The following AP1S3 variants were observed in gnomAD, a reference collection of about 807,000 sequenced individuals.
The protein encoded by AP1S3 is AP-1 complex subunit sigma-3.
AP1S3 carries 10 observed loss-of-function variants against 20.9 expected under a neutral mutation model. The observed-to-expected ratio is 0.48, with a 90% CI of 0.29 to 0.81. The LOEUF (loss-of-function observed/expected upper bound fraction) is 0.81, where lower values mean the gene tolerates loss of function less well. Ranked by LOEUF, AP1S3 falls within the 30% of genes least tolerant of loss-of-function variation. The probability of loss-of-function intolerance (pLI) is 0.08; values close to 1 mark genes in which losing one functional copy is unlikely to be tolerated. For synonymous variants in AP1S3, 41 were observed against 61.5 expected, an observed-to-expected ratio of 0.67 and a Z score of 1.56; for missense variants, 154 against 183.8, an observed-to-expected ratio of 0.84 and a Z score of 0.94.
chr2:223,816,076 C>A (rs1415193314), intron 1 of AP1S3, among the ~76,000 whole-genome samples: 2 of 152,198 alleles, frequency 1.3e-5, no homozygotes, highest in East Asian at 3.9e-4. Context: ...TGCCACTGCG[C>A]TCCAGCCTGG....
rs192428685 is a variant in AP1S3 at position 223,757,396 on chromosome 2, C to T, written c.*1319G>A. Reference sequence around the variant, plus strand: ...CTTGATCTCTTGACCTTGTGATCCGCCCACCTCTGCCTCCCAAAGTGCTGG... The same window carrying T: ...CTTGATCTCTTGACCTTGTGATCCGTCCACCTCTGCCTCCCAAAGTGCTGG... On this transcript the variant is annotated 3_prime_UTR_variant, in exon 5 of 5. Transcript: ENST00000396654. 2 of 167,596 alleles carry T rather than the reference C, an allele frequency of 1.2e-5. No individual in the cohort carries two copies. Among genetic ancestry groups the T allele is most frequent in the Admixed American group, 6.5e-5 (1 of 15,284 alleles). 10.4% of individuals were successfully genotyped at this position (167,596 alleles called of 1,614,324 possible). A position where few individuals can be genotyped will look rare whatever the true frequency, so the allele number is the denominator to read the frequency against.
intron 1 of AP1S3, among the ~76,000 whole-genome samples, chr2:223,780,779 T>C (rs897127265): frequency 6.6e-6 from 1 of 151,916 alleles, no homozygotes; most frequent in Admixed American, 6.6e-5. Flanking sequence ...AACTACAAAT[T>C]ACTTTTTTCA....
chr2:223,809,761 C>T (rs1235545603), intron 1 of AP1S3, among the ~76,000 whole-genome samples: 1 of 149,578 alleles, frequency 6.7e-6, no homozygotes, highest in Admixed American at 6.7e-5. Flanking sequence ...TAGAGTCTTG[C>T]TCTGTCGCCC....
chr2:223,781,599 A>C, intron 1 of AP1S3, among the ~76,000 whole-genome samples: 1 of 152,184 alleles, frequency 6.6e-6, no homozygotes, highest in East Asian at 1.9e-4. Flanking sequence ...TAATAATAAT[A>C]ATAATCAAAT....
intron 1 of AP1S3, among the ~76,000 whole-genome samples, chr2:223,804,542 A>AG: frequency 6.6e-6 from 1 of 152,094 alleles, no homozygotes; most frequent in East Asian, 1.9e-4. Context: ...CTACAAAAAA[A>AG]CTTTTTTAAA....
intron 1 of AP1S3, among the ~76,000 whole-genome samples, chr2:223,824,845 G>A (rs1199782974): frequency 2.0e-5 from 3 of 152,144 alleles, no homozygotes; most frequent in African/African-American, 7.2e-5. Flanking sequence ...TAAAAGGAAG[G>A]TATTACTATT....
intron 1 of AP1S3, among the ~76,000 whole-genome samples, chr2:223,797,548 G>T (rs1198199901): frequency 2.0e-5 from 3 of 152,094 alleles, no homozygotes; most frequent in African/African-American, 7.2e-5. Context: ...GGTCACCTGA[G>T]ATCAGGAGTT....
chr2:223,808,718 A>G (rs571288140), intron 1 of AP1S3, among the ~76,000 whole-genome samples: 5 of 152,334 alleles, frequency 3.3e-5, no homozygotes, highest in African/African-American at 1.2e-4. Context: ...AAAATTTAAT[A>G]GGCTTGGCTG....
chr2:223,760,826 A>C (rs1266163267), intron 4 of AP1S3, among the ~76,000 whole-genome samples: 1 of 152,202 alleles, frequency 6.6e-6, no homozygotes, highest in Non-Finnish European at 1.5e-5. Context: ...CTCCTCTATC[A>C]TATATTATAT....
intron 1 of AP1S3, among the ~76,000 whole-genome samples, chr2:223,830,513 A>G (rs1692234231): frequency 6.6e-6 from 1 of 151,716 alleles, no homozygotes; most frequent in African/African-American, 2.4e-5. Context: ...ATTCTGAACA[A>G]TACTCCAGGG....
intron 3 of AP1S3, among the ~76,000 whole-genome samples, chr2:223,771,283 G>T (rs566632020): frequency 1.3e-5 from 2 of 152,170 alleles, no homozygotes; most frequent in Non-Finnish European, 2.9e-5. Context: ...GTTGCAGTGA[G>T]CCAAGACTGC....
At chr2:223,767,218 G>A (rs890928524) in intron 3 of AP1S3, among the ~76,000 whole-genome samples, 1 of 151,816 alleles carries the variant, frequency 6.6e-6, no homozygotes, top group African/African-American at 2.4e-5. Context: ...AAGAAAGAAA[G>A]TCTCCAGACC....
At chr2:223,785,326 G>GA in intron 1 of AP1S3, among the ~76,000 whole-genome samples, 1 of 152,162 alleles carries the variant, frequency 6.6e-6, no homozygotes, top group South Asian at 2.1e-4. Context: ...TGGGCAATAA[G>GA]ACCGAAACTC....
chr2:223,801,571 T>C (rs1691466134), intron 1 of AP1S3, among the ~76,000 whole-genome samples: 1 of 152,140 alleles, frequency 6.6e-6, no homozygotes, highest in South Asian at 2.1e-4. Context: ...CAGCCTCCCG[T>C]GTAGCTGGGA....
chr2:223,776,512 TATCA>T lies in AP1S3; in HGVS notation c.183-507_183-504del, dbSNP rs532259468. On this transcript the variant is annotated intron_variant, in intron 2 of 4. Transcript: ENST00000396654. ...CTTGCTGGTAATTTACTCCATTGAA[TATCA>T]ATCTGTGAAGGTTGCCTCTGTTTTT... 5.0e-3 allele frequency among the ~76,000 whole-genome samples: 765 copies of T among 152,308 alleles called. 4 individuals carry two copies. Among genetic ancestry groups the T allele is most frequent in the African/African-American group, 0.017 (703 of 41,556 alleles).
intron 1 of AP1S3, among the ~76,000 whole-genome samples, chr2:223,818,637 C>T (rs61002778): frequency 0.18 from 26,684 of 151,952 alleles, 2,981 homozygotes; most frequent in East Asian, 0.41. Context: ...ATTGCAACCT[C>T]CGCCTCCTGG....
At chr2:223,807,920 G>C (rs2106116047) in intron 1 of AP1S3, among the ~76,000 whole-genome samples, 1 of 119,206 alleles carries the variant, frequency 8.4e-6, no homozygotes, top group Admixed American at 1.1e-4. Context: ...CTGTCACCCA[G>C]GCAGTGACAG....
At chr2:223,808,958 C>T (rs915095488) in intron 1 of AP1S3, among the ~76,000 whole-genome samples, 5 of 152,086 alleles carry the variant, frequency 3.3e-5, no homozygotes, top group Admixed American at 6.6e-5. Context: ...TTGTACCACG[C>T]CACTACAGCC....
At chr2:223,808,424 T>C (rs1258228965) in intron 1 of AP1S3, among the ~76,000 whole-genome samples, 2 of 152,038 alleles carry the variant, frequency 1.3e-5, no homozygotes, top group Non-Finnish European at 2.9e-5. Context: ...CATGTTAGGG[T>C]GGGGATGGTA....
Sources: allele counts gnomAD v4.1 joint callset (sites outside exome capture counted in the v4.1 genomes callset), GRCh38; gene constraint gnomAD v4.1.1; transcripts MANE v1.5; gene names NCBI Gene and HGNC (gene_info 2026-07-23, HGNC 2026-07-21).